Variants in VANGL2 observed in about 807,000 individuals in gnomAD.
VANGL2 encodes VANGL planar cell polarity protein 2.
VANGL2 carries 14 observed loss-of-function variants against 50.2 expected under a neutral mutation model. The ratio of observed to expected loss-of-function variants is 0.28; its 90% confidence interval spans 0.18 to 0.44. The LOEUF (loss-of-function observed/expected upper bound fraction) is 0.44, where lower values mean the gene tolerates loss of function less well. Among genes scored for constraint, VANGL2 ranks in the 20% least tolerant of loss-of-function variants. The pLI is 1.00. For synonymous variants in VANGL2, 295 were observed against 297.2 expected (o/e 0.99, Z 0.08); for missense variants, 533 against 701.5 (o/e 0.76, Z 2.71).
At position 160,424,177 on chromosome 1, in the gene VANGL2, G is replaced by A. The variant is rs1651370137; in HGVS notation, c.1199G>A (p.Arg400His). 1.9e-6 allele frequency: 3 copies of A among 1,614,180 alleles called. No individual in the cohort carries two copies. The highest frequency in any genetic ancestry group is 1.7e-6 in the Non-Finnish European group (2 of 1,180,022). ...AAQAIFASMA[R>H]AMQKYLRTTK... ...CAAGCCATCTTTGCATCCATGGCCC[G>A]TGCCATGCAGAAGTACCTTCGGACC... The change falls in exon 7 of 8, where the codon CGT (arginine) becomes CAT (histidine). Residue 400 changes from arginine (R) to histidine (H), a missense_variant. Physicochemically the swap from Arg to His is conservative, Grantham distance 29 (BLOSUM62 0). Coordinates refer to ENST00000368061, the MANE Select transcript of VANGL2 (RefSeq NM_020335.3).
chr1:160,416,213 G>A (rs377544077), intron 3 of VANGL2, 31 bp downstream of exon 3: 77 of 1,613,526 alleles, frequency 4.8e-5, no homozygotes, highest in Admixed American at 2.5e-4. Flanking sequence ...GGTCCAGACC[G>A]GGCATTTTCA....
intron 6 of VANGL2, 86 bp from the exon 7 acceptor site, chr1:160,423,966 G>A: frequency 6.8e-7 from 1 of 1,476,124 alleles, no homozygotes; most frequent in Non-Finnish European, 9.5e-7. Context: ...CCTCATTCAG[G>A]CTGCTGGAGT....
intron 6 of VANGL2, among the ~76,000 whole-genome samples, chr1:160,422,651 G>T (rs1651313206): frequency 6.6e-6 from 1 of 152,098 alleles, no homozygotes; most frequent in South Asian, 2.1e-4. Flanking sequence ...TTTTATTTTG[G>T]TTTTTGGACT....
In VANGL2 at chr1:160,419,141, C is replaced by T. The variant is rs761450874; in HGVS notation, c.332C>T (p.Ala111Val). 11 of 1,614,140 alleles carry T rather than the reference C, an allele frequency of 6.8e-6. No individual in the cohort carries two copies. The highest frequency in any genetic ancestry group is 2.7e-5 in the African/African-American group (2 of 75,052). ...LDCSRHLGVA[A>V]GATLALLSFL... Reference sequence around the variant, plus strand: ...TGCTCCCGTCACCTGGGTGTGGCAGCGGGGGCCACCCTGGCACTGCTGTCT... The same window carrying T: ...TGCTCCCGTCACCTGGGTGTGGCAGTGGGGGCCACCCTGGCACTGCTGTCT... The change falls in exon 4 of 8, where the codon GCG becomes GTG. Residue 111 changes from alanine (A) to valine (V), a missense_variant. Transcript: ENST00000368061. The surrounding 1 kb of genome is among the most constrained non-coding windows in gnomAD (Gnocchi z 5.8).
chr1:160,412,553 A>T (rs1650915487), intron 1 of VANGL2, among the ~76,000 whole-genome samples: 2 of 152,156 alleles, frequency 1.3e-5, no homozygotes, highest in African/African-American at 4.8e-5. Context: ...TTTTTCAGGT[A>T]GGGGGATAAA....
chr1:160,407,703 G>C (rs1650728891), intron 1 of VANGL2, among the ~76,000 whole-genome samples: 1 of 152,122 alleles, frequency 6.6e-6, no homozygotes, highest in Non-Finnish European at 1.5e-5. Context: ...GACACTCACT[G>C]ACTTACGGGT....
rs117271860 is a variant in VANGL2, at chr1:160,402,129, T to G, written c.-191+1260T>G. ...AGTTGTCTTATGAAGTGCCTGTTTT[T>G]GGGGGATGGGTTTTTCTGGAAGAGG... On this transcript the variant is annotated intron_variant, in intron 1 of 7. Coordinates refer to ENST00000368061, the MANE Select transcript of VANGL2 (RefSeq NM_020335.3). Among the ~76,000 whole-genome samples the G allele has an allele frequency of 2.1e-3, 319 of 152,186 alleles. 2 individuals carry two copies. The East Asian group carries it at 0.024, about 12-fold the overall frequency.
chr1:160,405,113 C>A (rs2101944909), intron 1 of VANGL2, among the ~76,000 whole-genome samples: 1 of 152,242 alleles, frequency 6.6e-6, no homozygotes, highest in Admixed American at 6.5e-5. Context: ...GCAGCTCACT[C>A]CTGTATGCAT....
At position 160,415,974 on chromosome 1, in the gene VANGL2, C is replaced by T. The variant is rs534272468; in HGVS notation, c.71+66C>T. The T allele has an allele frequency of 2.7e-5, 43 of 1,614,038 alleles. No homozygotes were observed. The East Asian group carries it at 4.7e-4, about 18-fold the overall frequency. On this transcript the variant is annotated intron_variant, in intron 2 of 7. Coordinates refer to ENST00000368061, the MANE Select transcript of VANGL2 (RefSeq NM_020335.3). ...GTTGGGGGCTGTTAAGAGGTGGGCACGTGCAGGGGTGGTAGGGTAGAGTGG... is the reference window on the plus strand; with the variant it reads ...GTTGGGGGCTGTTAAGAGGTGGGCATGTGCAGGGGTGGTAGGGTAGAGTGG...
rs1011438478 is a variant in VANGL2 at position 160,421,059 on chromosome 1, C to T, written c.945C>T (p.Ser315=). ...FKVYSLGEEN[S]TNNSTGQSRA... is the part of the protein sequence containing the mutation. Reference sequence around the variant, plus strand: ...TATCCTGTTCCTGTGCAGAAAACAGCACCAACAACTCCACTGGCCAGTCTC... The same window carrying T: ...TATCCTGTTCCTGTGCAGAAAACAGTACCAACAACTCCACTGGCCAGTCTC... Residue 315 remains serine (S), a synonymous_variant, in exon 6 of 8, where the codon AGC becomes AGT. Transcript: ENST00000368061. 1.2e-6 allele frequency: 2 copies of T among 1,614,152 alleles called. No individual in the cohort carries two copies. The highest frequency in any genetic ancestry group is 1.7e-6 in the Non-Finnish European group (2 of 1,180,026).
chr1:160,421,172 G>T lies in VANGL2; in HGVS notation c.1058G>T (p.Arg353Leu). 3 of 1,613,588 alleles carry T rather than the reference G, an allele frequency of 1.9e-6. No homozygotes were observed. Among genetic ancestry groups the T allele is most frequent in the East Asian group, 2.2e-5 (1 of 44,874 alleles). Reference sequence around the variant, plus strand: ...GAGGCTGAGCATGAGCGAAGGGTGCGCAAGAGGAGGGCCAGGTGGGTCCCT... The same window carrying T: ...GAGGCTGAGCATGAGCGAAGGGTGCTCAAGAGGAGGGCCAGGTGGGTCCCT... ...YEEAEHERRV[R>L]KRRARLVVAV... Residue 353 changes from arginine (R) to leucine (L), a missense_variant, in exon 6 of 8, where the codon CGC becomes CTC. Coordinates refer to ENST00000368061, the MANE Select transcript of VANGL2 (RefSeq NM_020335.3).
Position 160,424,156 on chromosome 1 carries a change from C to G in VANGL2, c.1178C>G (p.Ala393Gly), listed in dbSNP as rs761822026. 2.7e-5 allele frequency: 44 copies of G among 1,614,080 alleles called. No individual in the cohort carries two copies. The highest frequency in any genetic ancestry group is 3.5e-5 in the Non-Finnish European group (41 of 1,180,052). ...ATGGACCCCCGGGAGGCAGCCCAAG[C>G]CATCTTTGCATCCATGGCCCGTGCC... ...EVMDPREAAQ[A>G]IFASMARAMQ... Residue 393 changes from alanine to glycine, a missense_variant, in exon 7 of 8, where the codon GCC becomes GGC. Coordinates refer to ENST00000368061, the MANE Select transcript of VANGL2 (RefSeq NM_020335.3).
chr1:160,404,952 C>CAA (rs754867526), intron 1 of VANGL2, among the ~76,000 whole-genome samples: 1 of 152,194 alleles, frequency 6.6e-6, no homozygotes, highest in Non-Finnish European at 1.5e-5. Context: ...GTCTATAAAA[C>CAA]AAAGTTAATC....
intron 6 of VANGL2, among the ~76,000 whole-genome samples, chr1:160,421,752 A>G (rs1315369919): frequency 4.6e-5 from 7 of 152,104 alleles, no homozygotes; most frequent in Non-Finnish European, 1.0e-4. Flanking sequence ...GTAGAAGTGG[A>G]GGGTATCTTT....
chr1:160,425,007 A>T (rs1004991850), intron 7 of VANGL2, 111 bp from the exon 8 acceptor site: 1 of 1,480,028 alleles, frequency 6.8e-7, no homozygotes, highest in East Asian at 2.3e-5. Flanking sequence ...GTTCATATGC[A>T]TAGAGTGAGC....
In VANGL2 at chr1:160,426,431, T is replaced by C. The variant is rs3795337; in HGVS notation, c.*1053T>C. 651 of 152,834 alleles carry C rather than the reference T, an allele frequency of 4.3e-3. 6 individuals carry two copies. Among genetic ancestry groups the C allele is most frequent in the East Asian group, 0.017 (86 of 5,188 alleles). 9.5% of individuals were successfully genotyped at this position (152,834 alleles called of 1,614,324 possible). A position where few individuals can be genotyped will look rare whatever the true frequency, so the allele number is the denominator to read the frequency against. Reference sequence around the variant, plus strand: ...GGGAAGAGCCGGCAGCTCCTCCTCATCCCCTGCCTTAAGTCCAGTTCTTTG... The same window carrying C: ...GGGAAGAGCCGGCAGCTCCTCCTCACCCCCTGCCTTAAGTCCAGTTCTTTG... On this transcript the variant is annotated 3_prime_UTR_variant, in exon 8 of 8. Transcript: ENST00000368061.
intron 1 of VANGL2, among the ~76,000 whole-genome samples, chr1:160,409,995 C>T (rs1650819257): frequency 6.6e-6 from 1 of 152,180 alleles, no homozygotes; most frequent in Non-Finnish European, 1.5e-5. Context: ...AAGGCATATG[C>T]AGGAAGACCC....
At chr1:160,412,164 T>C (rs1429971049) in intron 1 of VANGL2, among the ~76,000 whole-genome samples, 2 of 152,192 alleles carry the variant, frequency 1.3e-5, no homozygotes, top group African/African-American at 4.8e-5. Flanking sequence ...TTGCACATAG[T>C]CACACAGCTA....
At chr1:160,404,741 T>C (rs1241893986) in intron 1 of VANGL2, among the ~76,000 whole-genome samples, 1 of 152,186 alleles carries the variant, frequency 6.6e-6, no homozygotes, top group African/African-American at 2.4e-5. Flanking sequence ...TAGCATGTAT[T>C]AGTACTTCAT....
Sources: allele counts gnomAD v4.1 joint callset (sites outside exome capture counted in the v4.1 genomes callset), GRCh38; gene constraint gnomAD v4.1.1; non-coding constraint Gnocchi (gnomAD v3.1); transcripts MANE v1.5; gene names NCBI Gene and HGNC (gene_info 2026-07-23, HGNC 2026-07-21).